The following DTWD2 variants were observed in gnomAD, a reference collection of about 807,000 sequenced individuals.
DTWD2 encodes DTW motif tRNA-uridine aminocarboxypropyltransferase 2.
A neutral mutation model predicts 31.8 loss-of-function variants in DTWD2; 39 were observed. The ratio of observed to expected loss-of-function variants is 1.22; its 90% CI spans 0.95 to 1.60. DTWD2 has a LOEUF of 1.60. Among genes scored for constraint, DTWD2 ranks in the 40% most tolerant of loss-of-function variants. The probability of loss-of-function intolerance (pLI) is 0.00; values close to 1 mark genes in which losing one functional copy is unlikely to be tolerated. For synonymous variants in DTWD2, 180 were observed against 142.8 expected, an observed-to-expected ratio of 1.26 and a Z score of -1.86; for missense variants, 515 against 381.5, an observed-to-expected ratio of 1.35 and a Z score of -2.92.
intron 1 of DTWD2, among the ~76,000 whole-genome samples, chr5:118,977,902 GGAGAGGCATTACACTACCT>G (rs1173881829): frequency 5.3e-5 from 8 of 152,048 alleles, no homozygotes; most frequent in African/African-American, 1.4e-4. Context: ...GAGGAAAACT[GGAGAGGCATTACACTACCT>G]GAGAGGCATT....
chr5:118,942,429 C>G (rs923930445), intron 2 of DTWD2, among the ~76,000 whole-genome samples: 1 of 152,002 alleles, frequency 6.6e-6, no homozygotes, highest in Non-Finnish European at 1.5e-5. Flanking sequence ...TAAAACACAT[C>G]TGTAGCACAC....
At chr5:118,952,550 A>G (rs1754490825) in intron 1 of DTWD2, among the ~76,000 whole-genome samples, 1 of 151,948 alleles carries the variant, frequency 6.6e-6, no homozygotes, top group Non-Finnish European at 1.5e-5. Context: ...GTCATCAGTT[A>G]GGGCAGGAAT....
At chr5:118,859,379 G>A (rs1481077535) in intron 4 of DTWD2, among the ~76,000 whole-genome samples, 3 of 152,028 alleles carry the variant, frequency 2.0e-5, no homozygotes, top group Non-Finnish European at 4.4e-5. Context: ...TATTTTTAAA[G>A]TATCATTTTA....
chr5:118,938,572 G>C (rs567034098), intron 3 of DTWD2, among the ~76,000 whole-genome samples: 1 of 151,942 alleles, frequency 6.6e-6, no homozygotes, highest in Non-Finnish European at 1.5e-5. Flanking sequence ...TTACTGGCCA[G>C]GCCCAGTGGC....
chr5:118,904,856 C>T (rs1753292347), intron 4 of DTWD2, among the ~76,000 whole-genome samples: 1 of 152,078 alleles, frequency 6.6e-6, no homozygotes, highest in Admixed American at 6.6e-5. Context: ...CAAACAAAGG[C>T]TTTGTGAGAG....
chr5:118,917,736 C>G (rs1452772731), intron 4 of DTWD2, among the ~76,000 whole-genome samples: 1 of 152,142 alleles, frequency 6.6e-6, no homozygotes, highest in Non-Finnish European at 1.5e-5. Context: ...CTTTGGGAGG[C>G]TGAGGTGGGT....
At chr5:118,921,329 T>C (rs935582537) in intron 4 of DTWD2, among the ~76,000 whole-genome samples, 5 of 151,904 alleles carry the variant, frequency 3.3e-5, no homozygotes, top group African/African-American at 1.2e-4. Flanking sequence ...CTAGACAACA[T>C]GGCGAGACCC....
In DTWD2 at chr5:118,836,566, C is replaced by T. The variant is rs1580755598; in HGVS notation, c.*4351G>A. Among the ~76,000 whole-genome samples the T allele has an allele frequency of 6.6e-6, 1 of 152,176 alleles. No individual in the cohort carries two copies. Among genetic ancestry groups the T allele is most frequent in the Non-Finnish European group, 1.5e-5 (1 of 68,036 alleles). ...TGAATAATTCTTAAAAATTGAAAAA[C>T]AATTACTTATTTCTCTAATATGCTT... On this transcript the variant is annotated 3_prime_UTR_variant, in exon 6 of 6. Coordinates refer to ENST00000510708, the MANE Select transcript of DTWD2 (RefSeq NM_173666.4).
rs550728116 is a variant in DTWD2, at chr5:118,961,845, T to G, written c.219-17196A>C. Among the ~76,000 whole-genome samples, 5 of 152,334 alleles carry G rather than the reference T, an allele frequency of 3.3e-5. No homozygotes were observed. In the South Asian group the frequency reaches 6.2e-4, roughly 19 times the overall value. On this transcript the variant is annotated intron_variant, in intron 1 of 5. Transcript: ENST00000510708. ...GCACAAAGACAGTTAAAAATTTTCT[T>G]TGCTACAAAGTAAAGAAAATATATT...
intron 2 of DTWD2, among the ~76,000 whole-genome samples, chr5:118,941,801 TAA>T (rs1754209508): frequency 6.6e-6 from 1 of 152,232 alleles, no homozygotes; most frequent in Admixed American, 6.5e-5. Context: ...ATCAACAGTG[TAA>T]AAGTGTTCCT....
At chr5:118,967,707 T>C (rs771268387) in intron 1 of DTWD2, among the ~76,000 whole-genome samples, 1 of 151,944 alleles carries the variant, frequency 6.6e-6, no homozygotes, top group African/African-American at 2.4e-5. Context: ...AATAAATAAA[T>C]AAATGGGGAG....
chr5:118,987,458 T>C (rs1028911230), intron 1 of DTWD2, among the ~76,000 whole-genome samples: 7 of 152,334 alleles, frequency 4.6e-5, no homozygotes, highest in Admixed American at 4.6e-4. Flanking sequence ...CTGTTCCCCT[T>C]CTTGGAATGC....
intron 1 of DTWD2, among the ~76,000 whole-genome samples, chr5:118,986,495 T>C (rs1289808784): frequency 6.6e-6 from 1 of 152,166 alleles, no homozygotes; most frequent in East Asian, 1.9e-4. Flanking sequence ...TAGTAATGTG[T>C]TCAGAGAAAT....
chr5:118,844,410 G>A (rs1300095657), intron 5 of DTWD2, among the ~76,000 whole-genome samples: 2 of 152,152 alleles, frequency 1.3e-5, no homozygotes, highest in Admixed American at 6.5e-5. Flanking sequence ...AAATACTGTA[G>A]TAGCTAATGA....
chr5:118,906,990 C>G (rs1317583549), intron 4 of DTWD2, among the ~76,000 whole-genome samples: 1 of 152,102 alleles, frequency 6.6e-6, no homozygotes, highest in Admixed American at 6.5e-5. Flanking sequence ...ATCAGGCTTT[C>G]CAAAGGCAAA....
At chr5:118,908,251 C>G (rs2149569439) in intron 4 of DTWD2, among the ~76,000 whole-genome samples, 1 of 152,220 alleles carries the variant, frequency 6.6e-6, no homozygotes, top group East Asian at 1.9e-4. Flanking sequence ...TGCATAGGGA[C>G]CTCAGGATCC....
intron 4 of DTWD2, among the ~76,000 whole-genome samples, chr5:118,899,375 G>A (rs1406622133): frequency 6.6e-6 from 1 of 152,174 alleles, no homozygotes; most frequent in Non-Finnish European, 1.5e-5. Context: ...ATGTTGTACT[G>A]CTTGGTTAAC....
At chr5:118,874,249 G>A (rs771400422) in intron 4 of DTWD2, among the ~76,000 whole-genome samples, 2 of 152,154 alleles carry the variant, frequency 1.3e-5, no homozygotes, top group Non-Finnish European at 2.9e-5. Context: ...CCACAAAGAT[G>A]GGAAAGAATC....
chr5:118,894,091 C>A (rs1753031836), intron 4 of DTWD2, among the ~76,000 whole-genome samples: 1 of 151,420 alleles, frequency 6.6e-6, no homozygotes, highest in African/African-American at 2.4e-5. Context: ...TATCTATAAT[C>A]CCCTATATAA....
Sources: allele counts gnomAD v4.1 joint callset (sites outside exome capture counted in the v4.1 genomes callset), GRCh38; gene constraint gnomAD v4.1.1; transcripts MANE v1.5; gene names NCBI Gene and HGNC (gene_info 2026-07-23, HGNC 2026-07-21).